Variants in CNKSR3 observed in about 807,000 individuals in gnomAD.
The protein encoded by CNKSR3 is CNKSR family member 3, also known as connector enhancer of kinase suppressor of ras 3.
Under a neutral mutation model 67.7 loss-of-function variants are expected in CNKSR3, and 36 were observed. That is an observed-to-expected ratio of 0.53 (90% CI 0.41 to 0.70). The LOEUF is 0.70. Among genes scored for constraint, CNKSR3 ranks in the 30% least tolerant of loss-of-function variants. The pLI, the probability that CNKSR3 is intolerant of heterozygous loss-of-function variation, is 0.00. For synonymous variants in CNKSR3, 281 were observed against 271.4 expected, an observed-to-expected ratio of 1.04 and a Z score of -0.35; for missense variants, 630 against 695.2, an observed-to-expected ratio of 0.91 and a Z score of 1.05.
chr6:154,473,022 G>A (rs1161127139), intron 1 of CNKSR3, among the ~76,000 whole-genome samples: 1 of 152,074 alleles, frequency 6.6e-6, no homozygotes, highest in Non-Finnish European at 1.5e-5. Flanking sequence ...AAGGAAGAAG[G>A]CAAAGAAACT....
At chr6:154,427,356 C>G (rs1562327394) in intron 7 of CNKSR3, among the ~76,000 whole-genome samples, 1 of 152,192 alleles carries the variant, frequency 6.6e-6, no homozygotes, top group Non-Finnish European at 1.5e-5. Context: ...ATTATCTCCT[C>G]CTGTCTTAGC....
intron 1 of CNKSR3, among the ~76,000 whole-genome samples, chr6:154,480,600 T>C (rs1786546349): frequency 6.6e-6 from 1 of 152,260 alleles, no homozygotes; most frequent in African/African-American, 2.4e-5. Context: ...AATTTAAATC[T>C]AGTGTCTGAA....
At chr6:154,420,775 C>A (rs1180732211) in intron 9 of CNKSR3, among the ~76,000 whole-genome samples, 1 of 148,048 alleles carries the variant, frequency 6.8e-6, no homozygotes, top group Non-Finnish European at 1.5e-5. Context: ...TTTAAGTGTT[C>A]TTGCCACAAA....
intron 1 of CNKSR3, among the ~76,000 whole-genome samples, chr6:154,487,695 T>C (rs1445563594): frequency 6.6e-6 from 1 of 152,232 alleles, no homozygotes; most frequent in Non-Finnish European, 1.5e-5. Context: ...AATTATTCTC[T>C]ATTGCAGGCA....
rs980082238 is a variant in CNKSR3, at chr6:154,441,341, T to C, written c.458A>G (p.Lys153Arg). Residue 153 changes from lysine to arginine, a missense_variant, in exon 4 of 13, where the codon AAG becomes AGG. Lys to Arg is a conservative substitution (Grantham distance 26). Coordinates refer to ENST00000607772, the MANE Select transcript of CNKSR3 (RefSeq NM_173515.4). ...FTGITDFSVTKNKIIQLCLDL... is the reference protein window; with the variant it reads ...FTGITDFSVTRNKIIQLCLDL... Reference sequence around the variant, plus strand: ...CAAGCAAAGCTGGATAATTTTGTTCTTCGTGACTGAGAAATCAGTGATCCC... The same window carrying C: ...CAAGCAAAGCTGGATAATTTTGTTCCTCGTGACTGAGAAATCAGTGATCCC... 2 of 1,613,900 alleles carry C rather than the reference T, an allele frequency of 1.2e-6. No homozygotes were observed. Among genetic ancestry groups the C allele is most frequent in the Non-Finnish European group, 1.7e-6 (2 of 1,179,994 alleles).
rs1246218624 is a variant in CNKSR3, at chr6:154,400,892, A to G, written c.*5462T>C. On this transcript the variant is annotated 3_prime_UTR_variant, in exon 13 of 13. Coordinates refer to ENST00000607772, the MANE Select transcript of CNKSR3 (RefSeq NM_173515.4). Reference sequence around the variant, plus strand: ...AATTAAAAGGTAAATTTTACAGTAAAGAGACTAATTTTTTTCTAATTCCAT... The same window carrying G: ...AATTAAAAGGTAAATTTTACAGTAAGGAGACTAATTTTTTTCTAATTCCAT... The G allele has an allele frequency of 6.6e-6, 1 of 152,222 alleles. No individual in the cohort carries two copies. Among genetic ancestry groups the G allele is most frequent in the African/African-American group, 2.4e-5 (1 of 41,460 alleles). 9.4% of individuals were successfully genotyped at this position (152,222 alleles called of 1,614,324 possible).
In CNKSR3 at chr6:154,414,286, G is replaced by C. The variant is rs370769222; in HGVS notation, c.1070+13C>G. On this transcript the variant is annotated intron_variant, in intron 10 of 12. Coordinates refer to ENST00000607772, the MANE Select transcript of CNKSR3 (RefSeq NM_173515.4). The stretch of plus-strand genomic sequence containing the variant: ...AGGAGACAAGCATACCATGACAATG[G>C]ACAGCAACATACCGGGGAGAGTAGG... The C allele has an allele frequency of 3.2e-6, 5 of 1,574,582 alleles. No homozygotes were observed. The highest frequency in any genetic ancestry group is 4.3e-6 in the Non-Finnish European group (5 of 1,165,322).
chr6:154,504,170 A>G (rs2114662668), intron 1 of CNKSR3, among the ~76,000 whole-genome samples: 1 of 152,306 alleles, frequency 6.6e-6, no homozygotes, highest in South Asian at 2.1e-4. Context: ...TTTAAAAGTG[A>G]GGAAATATGG....
Position 154,442,230 on chromosome 6 carries a change from G to T in CNKSR3, c.277C>A (p.His93Asn). The change falls in exon 3 of 13, where the codon CAC (histidine) becomes AAC (asparagine). Residue 93 changes from histidine to asparagine, a missense_variant. Physicochemically the swap from His to Asn is moderately conservative, Grantham distance 68. This residue lies in a region of CNKSR3 where 189 missense variants were observed against 205.0 expected (regional missense o/e 0.92). Transcript: ENST00000607772. The part of the protein sequence containing the change: ...NLVLKLRASS[H>N]NLQNYISSRR... The stretch of plus-strand genomic sequence containing the variant: ...CTACTTATGTAATTCTGTAAATTGT[G>T]GGAAGATGCTCTCAGTTTCAGAACC... 6.2e-7 allele frequency: 1 copy of T among 1,614,160 alleles called. No homozygotes were observed. Among genetic ancestry groups the T allele is most frequent in the Non-Finnish European group, 8.5e-7 (1 of 1,179,998 alleles).
intron 1 of CNKSR3, among the ~76,000 whole-genome samples, chr6:154,479,652 G>A (rs976245903): frequency 7.9e-5 from 12 of 152,154 alleles, no homozygotes; most frequent in Non-Finnish European, 1.5e-4. Flanking sequence ...AATTCAAGAC[G>A]AGAATGTGCA....
At chr6:154,486,824 TA>T (rs1428938871) in intron 1 of CNKSR3, among the ~76,000 whole-genome samples, 1 of 152,144 alleles carries the variant, frequency 6.6e-6, no homozygotes, top group Non-Finnish European at 1.5e-5. Flanking sequence ...ATTTTTTAAT[TA>T]AAAATTTTTA....
At chr6:154,449,650 T>G (rs910720113) in intron 2 of CNKSR3, among the ~76,000 whole-genome samples, 4 of 152,240 alleles carry the variant, frequency 2.6e-5, no homozygotes, top group African/African-American at 9.6e-5. Context: ...CATTCAGGAG[T>G]ATTTCCATCA....
chr6:154,403,327 G>C lies in CNKSR3; in HGVS notation c.*3027C>G, dbSNP rs1784736351. Reference sequence around the variant, plus strand: ...GGAGGCTGAGGCAGGAGAATTGCCTGAACCTGGGAGGCAGAGGCTGCAGTG... The same window carrying C: ...GGAGGCTGAGGCAGGAGAATTGCCTCAACCTGGGAGGCAGAGGCTGCAGTG... On this transcript the variant is annotated 3_prime_UTR_variant, in exon 13 of 13. Coordinates refer to ENST00000607772, the MANE Select transcript of CNKSR3 (RefSeq NM_173515.4). The C allele has an allele frequency of 6.6e-6, 1 of 151,764 alleles. No homozygotes were observed. Among genetic ancestry groups the C allele is most frequent in the Non-Finnish European group, 1.5e-5 (1 of 68,008 alleles). 9.4% of individuals were successfully genotyped at this position (151,764 alleles called of 1,614,324 possible).
In CNKSR3 at chr6:154,396,321, G is replaced by A. The variant is rs1784661078; in HGVS notation, c.*10033C>T. The stretch of plus-strand genomic sequence containing the variant: ...TTATTCTTCCTACAAATATGATTGA[G>A]TTCTGACACCTGGTATAATGTTTTC... On this transcript the variant is annotated 3_prime_UTR_variant, in exon 13 of 13. Coordinates refer to ENST00000607772, the MANE Select transcript of CNKSR3 (RefSeq NM_173515.4). 1 of 152,102 alleles carries A rather than the reference G, an allele frequency of 6.6e-6. No individual in the cohort carries two copies. The highest frequency in any genetic ancestry group is 1.5e-5 in the Non-Finnish European group (1 of 68,028). 9.4% of individuals were successfully genotyped at this position (152,102 alleles called of 1,614,324 possible).
intron 1 of CNKSR3, among the ~76,000 whole-genome samples, chr6:154,501,132 T>A (rs935861318): frequency 1.3e-5 from 2 of 152,094 alleles, no homozygotes; most frequent in African/African-American, 2.4e-5. Flanking sequence ...TGAGCAGACA[T>A]CCCAACTTCA....
intron 7 of CNKSR3, among the ~76,000 whole-genome samples, chr6:154,425,114 T>C (rs1048604494): frequency 6.6e-6 from 1 of 152,236 alleles, no homozygotes; most frequent in African/African-American, 2.4e-5. Context: ...AATTTATCTA[T>C]GCTCCTTTTT....
chr6:154,442,569 C>T lies in CNKSR3; in HGVS notation c.217-279G>A, dbSNP rs577831292. The stretch of plus-strand genomic sequence containing the variant: ...CCCGGGAGGCAGAGCTTGCAGTGAG[C>T]CGAGATGGCGCCACTGCACTCCAGC... On this transcript the variant is annotated intron_variant, in intron 2 of 12. Coordinates refer to ENST00000607772, the MANE Select transcript of CNKSR3 (RefSeq NM_173515.4). Among the ~76,000 whole-genome samples the T allele has an allele frequency of 6.0e-4, 92 of 152,252 alleles. 1 individual carries two copies. Among genetic ancestry groups the T allele is most frequent in the Admixed American group, 2.2e-3 (33 of 15,298 alleles).
intron 1 of CNKSR3, among the ~76,000 whole-genome samples, chr6:154,460,043 GC>G (rs1786045750): frequency 6.6e-6 from 1 of 152,184 alleles, no homozygotes; most frequent in Non-Finnish European, 1.5e-5. Context: ...GACCCAGCCT[GC>G]CCCCACCCCC....
intron 1 of CNKSR3, among the ~76,000 whole-genome samples, chr6:154,479,828 T>A (rs1037601288): frequency 9.2e-5 from 14 of 152,342 alleles, no homozygotes; most frequent in African/African-American, 3.1e-4. Flanking sequence ...AATTTAAAAC[T>A]TGTCCCAGAG....
Sources: gnomAD v4.1 joint callset for allele counts (sites outside exome capture counted in the v4.1 genomes callset) on GRCh38, gnomAD v4.1.1 for gene constraint, gnomAD v4.1.1 regional missense constraint, MANE v1.5 for transcripts, NCBI Gene and HGNC (gene_info 2026-07-23, HGNC 2026-07-21) for gene names.